The following PHKA2 variants were observed in gnomAD, a reference collection of about 807,000 sequenced individuals.
PHKA2 encodes phosphorylase b kinase regulatory subunit alpha, liver isoform.
A neutral mutation model predicts 102.0 loss-of-function variants in PHKA2; 31 were observed. The ratio of observed to expected loss-of-function variants is 0.30; its 90% CI spans 0.23 to 0.41. The LOEUF is 0.41. Ranked by LOEUF, PHKA2 falls within the 10% of genes least tolerant of loss-of-function variation. The probability of loss-of-function intolerance (pLI) is 1.00; values close to 1 mark genes in which losing one functional copy is unlikely to be tolerated. For missense variants in PHKA2, 858 were observed against 1,023.1 expected, an observed-to-expected ratio of 0.84 and a Z score of 2.20; for synonymous variants, 455 against 416.2, an observed-to-expected ratio of 1.09 and a Z score of -1.13.
chrX:18,963,823 T>C (rs1367358811), intron 1 of PHKA2, among the ~76,000 whole-genome samples: 1 of 111,809 alleles, frequency 8.9e-6, no homozygotes, highest in Non-Finnish European at 1.9e-5. Context: ...GAGATGAATG[T>C]TGTCATCTAC....
At chrX:18,975,001 A>ATCTCG (rs779550956) in intron 1 of PHKA2, among the ~76,000 whole-genome samples, 155 of 109,465 alleles carry the variant, frequency 1.4e-3, no homozygotes, top group Middle Eastern at 4.7e-3. Context: ...TGTTCCTGTG[A>ATCTCG]TCTCGTCTCG....
chrX:18,961,577 G>A (rs928074982), intron 1 of PHKA2, among the ~76,000 whole-genome samples: 1 of 101,218 alleles, frequency 9.9e-6, no homozygotes, highest in Non-Finnish European at 2.0e-5. Context: ...ATAATCACTT[G>A]AACCCGGGAG....
chrX:18,899,339 T>C, intron 28 of PHKA2, 113 bp from the exon 29 acceptor site: 1 of 649,858 alleles, frequency 1.5e-6, no homozygotes, highest in Non-Finnish European at 2.5e-6. Flanking sequence ...CAGCAGAGAA[T>C]GCGGGCGCAG....
At chrX:18,953,112 C>T (rs1188479386) in intron 2 of PHKA2, among the ~76,000 whole-genome samples, 1 of 112,156 alleles carries the variant, frequency 8.9e-6, no homozygotes, top group Non-Finnish European at 1.9e-5. Flanking sequence ...ATCCACTGAC[C>T]GTGAGGCCAT....
At chrX:18,978,022 A>G (rs1178684966) in intron 1 of PHKA2, among the ~76,000 whole-genome samples, 2 of 111,387 alleles carry the variant, frequency 1.8e-5, no homozygotes, top group East Asian at 5.7e-4. Context: ...TTAGCTGGGC[A>G]TGATGGTGAC....
chrX:18,936,220 A>T (rs774592181), intron 10 of PHKA2, 70 bp from the exon 11 acceptor site: 1 of 718,323 alleles, frequency 1.4e-6, no homozygotes, highest in Admixed American at 2.6e-5. Flanking sequence ...GCGGTGCAAC[A>T]TAGAAAAAAA....
chrX:18,927,799 C>G (rs1353748551), intron 13 of PHKA2, among the ~76,000 whole-genome samples: 1 of 111,304 alleles, frequency 9.0e-6, no homozygotes, highest in East Asian at 2.8e-4. Context: ...CTTTCCTTAA[C>G]ACCTGTCTCT....
chrX:18,962,972 G>T (rs1220387941), intron 1 of PHKA2, among the ~76,000 whole-genome samples: 1 of 112,275 alleles, frequency 8.9e-6, no homozygotes, highest in East Asian at 2.8e-4. Flanking sequence ...GGTGTTAAGG[G>T]GAGGCTTCAA....
In PHKA2 at chrX:18,950,586, C is replaced by T. The variant is rs753425569; in HGVS notation, c.454+518G>A. Among the ~76,000 whole-genome samples, 107 of 112,984 alleles carry T rather than the reference C, an allele frequency of 9.5e-4. 1 individual carries two copies. Among genetic ancestry groups the T allele is most frequent in the African/African-American group, 3.3e-3 (104 of 31,178 alleles). ...TGCACTCCCTGCCCTATTGCAGAAA[C>T]AAATGCACAGAATATGGAGAAGCAT... On this transcript the variant is annotated intron_variant, in intron 4 of 32. Transcript: ENST00000379942.
chrX:18,917,971 A>C (rs940965069), intron 19 of PHKA2, among the ~76,000 whole-genome samples: 53 of 110,881 alleles, frequency 4.8e-4, no homozygotes, highest in African/African-American at 1.6e-3. Flanking sequence ...CCACCAAAAC[A>C]GAAGAATACA....
At chrX:18,961,198 C>T (rs1023465911) in intron 1 of PHKA2, among the ~76,000 whole-genome samples, 1 of 111,698 alleles carries the variant, frequency 9.0e-6, no homozygotes, top group Non-Finnish European at 1.9e-5. Context: ...AAGGTCCTGG[C>T]CTAGTTAGGT....
intron 17 of PHKA2, among the ~76,000 whole-genome samples, chrX:18,921,930 C>G (rs1489974855): frequency 8.9e-6 from 1 of 112,724 alleles, no homozygotes; most frequent in Non-Finnish European, 1.9e-5. Context: ...TTCCTTTTTA[C>G]AATGATTAGA....
intron 1 of PHKA2, among the ~76,000 whole-genome samples, chrX:18,963,779 C>T (rs1442245514): frequency 8.9e-6 from 1 of 112,063 alleles, no homozygotes; most frequent in African/African-American, 3.2e-5. Flanking sequence ...TTATATCTAA[C>T]AGTTTGCAAT....
chrX:18,920,930 T>A lies in PHKA2; in HGVS notation c.1794-729A>T, dbSNP rs140451184. On this transcript the variant is annotated intron_variant, in intron 17 of 32. Transcript: ENST00000379942. ...CTCCCTCAGAGTTATCAGCACCAGATTGGGATTTAGTTGAAAAGGCTGAGA... is the reference window on the plus strand; with the variant it reads ...CTCCCTCAGAGTTATCAGCACCAGAATGGGATTTAGTTGAAAAGGCTGAGA... Among the ~76,000 whole-genome samples the A allele has an allele frequency of 5.3e-5, 6 of 112,289 alleles. No homozygotes were observed. In the East Asian group the frequency reaches 1.7e-3, roughly 31 times the overall value.
chrX:18,983,300 T>C (rs2049205375), intron 1 of PHKA2, among the ~76,000 whole-genome samples: 1 of 112,671 alleles, frequency 8.9e-6, no homozygotes, highest in Non-Finnish European at 1.9e-5. Flanking sequence ...CCCTGTGAGC[T>C]TGGGAGCCTT....
Position 18,952,483 on chromosome X carries a change from G to A in PHKA2, c.285+11C>T. ...GCCCACTTGGCAAACACGTGTGTGG[G>A]TTCTGCCTACCTGTCTCATCATGCA... is the stretch of plus-strand genomic sequence containing the variant. On this transcript the variant is annotated intron_variant, in intron 3 of 32. Transcript: ENST00000379942. The A allele has an allele frequency of 8.3e-7, 1 of 1,204,489 alleles. No homozygotes were observed. Among genetic ancestry groups the A allele is most frequent in the African/African-American group, 1.7e-5 (1 of 57,757 alleles).
chrX:18,972,311 A>C, intron 1 of PHKA2, among the ~76,000 whole-genome samples: 1 of 111,824 alleles, frequency 8.9e-6, no homozygotes, highest in Non-Finnish European at 1.9e-5. Flanking sequence ...ATGACCTTAG[A>C]TTTATGTTTT....
At chrX:18,910,004 C>T (rs2047896034) in intron 20 of PHKA2, among the ~76,000 whole-genome samples, 1 of 112,445 alleles carries the variant, frequency 8.9e-6, no homozygotes, top group Non-Finnish European at 1.9e-5. Flanking sequence ...ACTGAGTGTG[C>T]CACTGAGTCT....
At chrX:18,923,179 G>C (rs933215045) in intron 17 of PHKA2, among the ~76,000 whole-genome samples, 20 of 107,549 alleles carry the variant, frequency 1.9e-4, no homozygotes, top group Non-Finnish European at 3.4e-4. Context: ...CCTCCCAAAT[G>C]GCTGGGACTA....
Sources: allele counts gnomAD v4.1 joint callset (sites outside exome capture counted in the v4.1 genomes callset), GRCh38; gene constraint gnomAD v4.1.1; transcripts MANE v1.5; gene names NCBI Gene and HGNC (gene_info 2026-07-23, HGNC 2026-07-21).